Variants in CSMD3 observed in about 807,000 individuals in gnomAD.
CSMD3 encodes the protein CUB and sushi domain-containing protein 3.
A neutral mutation model predicts 435.2 loss-of-function variants in CSMD3; 177 were observed. The observed-to-expected ratio is 0.41, with a 90% CI of 0.36 to 0.46. CSMD3 has a LOEUF of 0.46. Ranked by LOEUF, CSMD3 falls within the 20% of genes least tolerant of loss-of-function variation. The pLI, the probability that CSMD3 is intolerant of heterozygous loss-of-function variation, is 0.34. For synonymous variants in CSMD3, 1,656 were observed against 1,520.5 expected, an observed-to-expected ratio of 1.09 and a Z score of -2.07; for missense variants, 4,265 against 4,504.6, an observed-to-expected ratio of 0.95 and a Z score of 1.52.
At chr8:112,838,948 A>C (rs1344305198) in intron 11 of CSMD3, among the ~76,000 whole-genome samples, 1 of 151,800 alleles carries the variant, frequency 6.6e-6, no homozygotes, top group Non-Finnish European at 1.5e-5. Flanking sequence ...TTATTTATTC[A>C]TTTGAAAGTG....
intron 32 of CSMD3, among the ~76,000 whole-genome samples, chr8:112,428,885 G>T (rs1334982410): frequency 6.6e-6 from 1 of 151,434 alleles, no homozygotes; most frequent in Non-Finnish European, 1.5e-5. Flanking sequence ...GTTGTCTTTA[G>T]TTTTTTCTTT....
chr8:112,916,639 C>T (rs897550439), intron 10 of CSMD3, among the ~76,000 whole-genome samples: 1 of 151,830 alleles, frequency 6.6e-6, no homozygotes, highest in African/African-American at 2.4e-5. Flanking sequence ...CAGAAAAACA[C>T]CTGCTATATG....
At chr8:113,138,077 A>G (rs1005109971) in intron 4 of CSMD3, among the ~76,000 whole-genome samples, 11 of 151,504 alleles carry the variant, frequency 7.3e-5, no homozygotes, top group Non-Finnish European at 1.5e-4. Context: ...TGTAATTCCA[A>G]ATTGTCTTTT....
intron 43 of CSMD3, among the ~76,000 whole-genome samples, chr8:112,337,111 C>T (rs1003106965): frequency 6.6e-6 from 1 of 152,022 alleles, no homozygotes; most frequent in African/African-American, 2.4e-5. Context: ...TATATCAATG[C>T]AAAGACTTTA....
At chr8:113,148,400 T>G (rs2091729020) in intron 4 of CSMD3, among the ~76,000 whole-genome samples, 1 of 151,766 alleles carries the variant, frequency 6.6e-6, no homozygotes, top group Non-Finnish European at 1.5e-5. Context: ...TTATATGCTC[T>G]CGTAGAATAC....
At chr8:113,426,495 G>T (rs180811351) in intron 1 of CSMD3, among the ~76,000 whole-genome samples, 1 of 150,574 alleles carries the variant, frequency 6.6e-6, no homozygotes, top group Non-Finnish European at 1.5e-5. Context: ...AAGCAAAAAA[G>T]ATAAGAAGAT....
At chr8:112,550,969 T>C (rs975998631) in intron 26 of CSMD3, 96 bp from the exon 27 acceptor site, 6 of 826,186 alleles carry the variant, frequency 7.3e-6, no homozygotes, top group Admixed American at 3.8e-5. Flanking sequence ...TACTAGATAG[T>C]TCTTTTTTGC....
intron 10 of CSMD3, among the ~76,000 whole-genome samples, chr8:112,872,338 T>C (rs1383511338): frequency 1.3e-5 from 2 of 152,024 alleles, no homozygotes; most frequent in Non-Finnish European, 2.9e-5. Flanking sequence ...AATCCATGTC[T>C]GCACTAAAAG....
intron 2 of CSMD3, among the ~76,000 whole-genome samples, chr8:113,293,756 A>G (rs937339801): frequency 7.9e-5 from 12 of 152,082 alleles, no homozygotes; most frequent in African/African-American, 1.7e-4. Context: ...TCCTAGTCAT[A>G]GTTTGAAACA....
At chr8:113,012,363 C>A (rs2086286497) in intron 6 of CSMD3, among the ~76,000 whole-genome samples, 2 of 151,876 alleles carry the variant, frequency 1.3e-5, no homozygotes, top group Admixed American at 6.6e-5. Context: ...CATCTACAAT[C>A]TTTACCATAA....
intron 45 of CSMD3, among the ~76,000 whole-genome samples, chr8:112,334,903 A>G (rs536429519): frequency 7.3e-4 from 111 of 152,336 alleles, no homozygotes; most frequent in African/African-American, 2.6e-3. Context: ...GTATAAATGA[A>G]TGAGTAATGT....
intron 2 of CSMD3, chr8:113,311,203 A>G (rs1420715666): frequency 6.6e-6 from 1 of 152,142 alleles, no homozygotes; most frequent in African/African-American, 2.4e-5. Flanking sequence ...CCTTAAATGC[A>G]TCAGCACTTG....
chr8:112,525,784 GTA>G (rs1025370439), intron 27 of CSMD3, among the ~76,000 whole-genome samples: 2 of 129,460 alleles, frequency 1.5e-5, no homozygotes, highest in East Asian at 4.4e-4. Context: ...ATATGTGTGT[GTA>G]TATATATATG....
intron 13 of CSMD3, among the ~76,000 whole-genome samples, chr8:112,754,178 T>A (rs562705293): frequency 1.3e-5 from 2 of 152,278 alleles, no homozygotes; most frequent in Admixed American, 6.5e-5. Flanking sequence ...TGGTACACAG[T>A]ACAAAGTAGT....
intron 32 of CSMD3, among the ~76,000 whole-genome samples, chr8:112,441,363 C>T (rs1814995767): frequency 1.3e-5 from 2 of 152,186 alleles, no homozygotes; most frequent in Admixed American, 6.5e-5. Flanking sequence ...TCCATACTTT[C>T]CCACATCTTT....
intron 3 of CSMD3, among the ~76,000 whole-genome samples, chr8:113,226,711 G>A (rs957918369): frequency 6.6e-6 from 1 of 151,634 alleles, no homozygotes; most frequent in Non-Finnish European, 1.5e-5. Flanking sequence ...AGAAAGCAGT[G>A]CACGGGACTA....
intron 56 of CSMD3, 44 bp from the exon 57 acceptor site, chr8:112,289,582 T>C: frequency 7.8e-7 from 1 of 1,287,654 alleles, no homozygotes; most frequent in Non-Finnish European, 1.1e-6. Context: ...TTATATCTCC[T>C]ATCGAACAAC....
At chr8:113,251,449 C>CT (rs1448201850) in intron 3 of CSMD3, among the ~76,000 whole-genome samples, 1 of 151,700 alleles carries the variant, frequency 6.6e-6, no homozygotes, top group African/African-American at 2.4e-5. Context: ...TTAATTTATT[C>CT]TTTTTTAAAG....
intron 4 of CSMD3, among the ~76,000 whole-genome samples, chr8:113,101,982 A>C (rs2090344097): frequency 6.6e-6 from 1 of 152,134 alleles, no homozygotes; most frequent in Non-Finnish European, 1.5e-5. Flanking sequence ...TACCTAAGTC[A>C]ATTTAAAAAG....
Sources: allele counts gnomAD v4.1 joint callset (sites outside exome capture counted in the v4.1 genomes callset), GRCh38; gene constraint gnomAD v4.1.1; transcripts MANE v1.5; gene names NCBI Gene and HGNC (gene_info 2026-07-23, HGNC 2026-07-21).